ATG101: variants seen among roughly 807,000 people sequenced by gnomAD.
ATG101 encodes autophagy-related protein 101.
ATG101 carries 6 observed loss-of-function variants against 16.7 expected under a neutral mutation model. The observed-to-expected ratio is 0.36, with a 90% CI of 0.20 to 0.71. ATG101 has a LOEUF of 0.71. ATG101 is among the 30% of genes least tolerant of loss of function. The pLI, the probability that ATG101 is intolerant of heterozygous loss-of-function variation, is 0.57. For missense variants in ATG101, 200 were observed against 292.5 expected, an observed-to-expected ratio of 0.68 and a Z score of 2.31; for synonymous variants, 108 against 118.1, an observed-to-expected ratio of 0.91 and a Z score of 0.56.
intron 2 of ATG101, among the ~76,000 whole-genome samples, 189 bp from the exon 3 acceptor site, chr12:52,073,386 C>A (rs1172662473): frequency 6.6e-6 from 1 of 152,226 alleles, no homozygotes; most frequent in South Asian, 2.1e-4. Context: ...CCCAGCCTGT[C>A]ATTTGGACTG....
chr12:52,074,326 T>G (rs1278282102), intron 3 of ATG101, among the ~76,000 whole-genome samples: 2 of 152,108 alleles, frequency 1.3e-5, no homozygotes, highest in African/African-American at 4.8e-5. Flanking sequence ...GGAGTGTCCC[T>G]TTTGGTGGTG....
At chr12:52,068,878 C>A (rs936188278), upstream of ATG101, among the ~76,000 whole-genome samples, 1 of 150,602 alleles carries the variant, frequency 6.6e-6, no homozygotes, top group East Asian at 2.0e-4. Context: ...GTAGTCCCAG[C>A]TACTCGGGAG....
At chr12:52,071,854 G>A (rs1438130769) in intron 2 of ATG101, among the ~76,000 whole-genome samples, 1 of 152,116 alleles carries the variant, frequency 6.6e-6, no homozygotes, top group Non-Finnish European at 1.5e-5. Flanking sequence ...AGAACTTCCT[G>A]AACATTGACT....
At chr12:52,065,701 G>A (rs767188700), upstream of ATG101, among the ~76,000 whole-genome samples, 8 of 152,150 alleles carry the variant, frequency 5.3e-5, no homozygotes, top group East Asian at 5.8e-4. Context: ...GGTGAGTGCC[G>A]GAGTAGGGAC....
intron 3 of ATG101, among the ~76,000 whole-genome samples, chr12:52,075,747 G>C (rs993801038): frequency 6.6e-6 from 1 of 152,206 alleles, no homozygotes; most frequent in African/African-American, 2.4e-5. Flanking sequence ...CAGGGGAGAA[G>C]AGGGAGAAGT....
upstream of ATG101, chr12:52,069,726 T>C (rs1939607767): frequency 6.6e-6 from 1 of 152,114 alleles, no homozygotes; most frequent in African/African-American, 2.4e-5. Flanking sequence ...GCGTTCTCGG[T>C]GGTGGGCTGA....
At chr12:52,071,575 G>C (rs1939651118) in intron 2 of ATG101, 1 of 152,202 alleles carries the variant, frequency 6.6e-6, no homozygotes, top group African/African-American at 2.4e-5. Flanking sequence ...CCAGCACTTT[G>C]GGAGGCCGAG....
chr12:52,073,505 C>A, intron 2 of ATG101, 70 bp from the exon 3 acceptor site: 2 of 1,058,890 alleles, frequency 1.9e-6, no homozygotes, highest in Non-Finnish European at 2.7e-6. Context: ...CTGAGCTGAG[C>A]CTAGAAGGAA....
At chr12:52,067,418 G>C (rs1240322116), upstream of ATG101, among the ~76,000 whole-genome samples, 2 of 152,192 alleles carry the variant, frequency 1.3e-5, no homozygotes, top group Admixed American at 6.5e-5. Context: ...GGACACCACT[G>C]GTGGGTGGGG....
upstream of ATG101, among the ~76,000 whole-genome samples, chr12:52,066,060 A>G (rs1939547310): frequency 6.6e-6 from 1 of 152,174 alleles, no homozygotes; most frequent in South Asian, 2.1e-4. Flanking sequence ...TATTTTTAGT[A>G]GAGATGGGGT....
intron 2 of ATG101, 138 bp from the exon 3 acceptor site, chr12:52,073,437 A>AAAGG: frequency 1.7e-6 from 1 of 577,774 alleles, no homozygotes; most frequent in Non-Finnish European, 3.0e-6. Context: ...CTGAGACTTG[A>AAAGG]TGATTCGTTG....
upstream of ATG101, among the ~76,000 whole-genome samples, chr12:52,066,805 G>T (rs372854935): frequency 2.0e-5 from 3 of 152,152 alleles, no homozygotes; most frequent in East Asian, 3.8e-4. Context: ...GAGTTGGAGT[G>T]TGTGGATGGC....
Position 52,073,711 on chromosome 12 carries a change from A to G in ATG101, c.61A>G (p.Met21Val), listed in dbSNP as rs772820770. The G allele has an allele frequency of 5.0e-6, 8 of 1,614,026 alleles. No homozygotes were observed. The African/African-American group carries it at 9.3e-5, about 19-fold the overall frequency. The change falls in exon 3 of 4, where the codon ATG becomes GTG. Residue 21 changes from methionine to valine, a missense_variant. Physicochemically the swap from Met to Val is conservative, Grantham distance 21. Transcript: ENST00000336854. ...GGAGGGGCGGCAGGTGGAGGAGGCC[A>G]TGCTGGCTGTGCTGCACACGGTGCT... Reference protein sequence around the residue: ...SVEGRQVEEAMLAVLHTVLLH... With the variant: ...SVEGRQVEEAVLAVLHTVLLH...
chr12:52,074,689 T>C (rs1448681589), intron 3 of ATG101, among the ~76,000 whole-genome samples: 1 of 151,878 alleles, frequency 6.6e-6, no homozygotes, highest in Non-Finnish European at 1.5e-5. Context: ...CCAGGCCTGG[T>C]GGCTCATGCC....
intron 2 of ATG101, chr12:52,071,295 G>A (rs993750318): frequency 2.0e-5 from 3 of 152,318 alleles, no homozygotes; most frequent in Non-Finnish European, 2.9e-5. Context: ...AACCAGATGA[G>A]TGAAATATAC....
At chr12:52,072,143 ATG>A (rs1565661047) in intron 2 of ATG101, among the ~76,000 whole-genome samples, 6 of 152,194 alleles carry the variant, frequency 3.9e-5, no homozygotes, top group Non-Finnish European at 8.8e-5. Flanking sequence ...TGTTTTATAC[ATG>A]CTAGCTCATT....
intron 2 of ATG101, among the ~76,000 whole-genome samples, chr12:52,072,503 C>T (rs180804007): frequency 1.3e-5 from 2 of 152,320 alleles, no homozygotes; most frequent in South Asian, 4.1e-4. Flanking sequence ...GTAACTACAT[C>T]TACTGTAGTG....
At chr12:52,068,141 G>C (rs908478823), upstream of ATG101, among the ~76,000 whole-genome samples, 2 of 150,156 alleles carry the variant, frequency 1.3e-5, no homozygotes, top group African/African-American at 4.9e-5. Context: ...CCACCTCCCA[G>C]GTTCAAGCAA....
chr12:52,065,518 C>G (rs1377025349), upstream of ATG101, among the ~76,000 whole-genome samples: 1 of 128,440 alleles, frequency 7.8e-6, no homozygotes, highest in Non-Finnish European at 1.6e-5. Context: ...CACTCCCTCC[C>G]CTCCCTGATG....
Sources: gnomAD v4.1 joint callset for allele counts (sites outside exome capture counted in the v4.1 genomes callset) on GRCh38, gnomAD v4.1.1 for gene constraint, MANE v1.5 for transcripts, NCBI Gene and HGNC (gene_info 2026-07-23, HGNC 2026-07-21) for gene names.